ITGA1: variants seen among roughly 807,000 people sequenced by gnomAD.
ITGA1 encodes the protein integrin alpha-1.
ITGA1 carries 85 observed loss-of-function variants against 145.9 expected under a neutral mutation model. The ratio of observed to expected loss-of-function variants is 0.58; its 90% CI spans 0.49 to 0.70. The LOEUF (loss-of-function observed/expected upper bound fraction) is 0.70, where lower values mean the gene tolerates loss of function less well. Ranked by LOEUF, ITGA1 falls within the 30% of genes least tolerant of loss-of-function variation. ITGA1 has a pLI of 0.00. For synonymous variants in ITGA1, 520 were observed against 495.3 expected (o/e 1.05, Z -0.66); for missense variants, 1,351 against 1,418.7 (o/e 0.95, Z 0.77).
chr5:52,800,063 G>T, intron 1 of ITGA1: 1 of 320,138 alleles, frequency 3.1e-6, no homozygotes, highest in South Asian at 3.4e-5. Context: ...GACGTGCGTC[G>T]GGTCGCGGGA....
intron 7 of ITGA1, among the ~76,000 whole-genome samples, chr5:52,884,401 C>G (rs930990164): frequency 6.7e-6 from 1 of 150,004 alleles, no homozygotes; most frequent in Admixed American, 6.7e-5. Flanking sequence ...GAGCCAAGAT[C>G]GTGCCACTGC....
rs1750484714 is a variant in ITGA1 at position 52,910,342 on chromosome 5, C to T, written c.1780C>T (p.Pro594Ser). The change falls in exon 14 of 29, where the codon CCG becomes TCG. Residue 594 changes from proline (P) to serine (S), a missense_variant. Pro to Ser is a moderately conservative substitution (Grantham distance 74). Transcript: ENST00000282588. ...ATTTAATGACATCGTGATAGGAGCT[C>T]CGCTGGAAGATGATCACGGGGGAGC... ...DGFNDIVIGA[P>S]LEDDHGGAVY... The T allele has an allele frequency of 1.2e-6, 2 of 1,613,710 alleles. No individual in the cohort carries two copies. The highest frequency in any genetic ancestry group is 1.1e-5 in the South Asian group (1 of 91,078).
intron 6 of ITGA1, among the ~76,000 whole-genome samples, chr5:52,881,492 C>T (rs1438107969): frequency 6.6e-6 from 1 of 152,136 alleles, no homozygotes; most frequent in Non-Finnish European, 1.5e-5. Context: ...CCACAGTTTG[C>T]AATTGTTCAT....
rs781697289 is a variant in ITGA1 at position 52,957,693 on chromosome 5, G to T, written c.*5242G>T. 3.3e-5 allele frequency: 5 copies of T among 152,180 alleles called. No homozygotes were observed. Among genetic ancestry groups the T allele is most frequent in the Non-Finnish European group, 7.3e-5 (5 of 68,046 alleles). The allele number at this position is 152,180 out of a possible 1,614,324, so 9.4% of individuals were successfully genotyped here. On this transcript the variant is annotated 3_prime_UTR_variant, in exon 29 of 29. Coordinates refer to ENST00000282588, the MANE Select transcript of ITGA1 (RefSeq NM_181501.2). ...CCTCAGCAAGGCCATTCTCTGCCTT[G>T]TGCCCATAGCAGGGCCTTGGGTGGT...
In ITGA1 at chr5:52,955,021, G is replaced by A. The variant is rs990487937; in HGVS notation, c.*2570G>A. On this transcript the variant is annotated 3_prime_UTR_variant, in exon 29 of 29. Coordinates refer to ENST00000282588, the MANE Select transcript of ITGA1 (RefSeq NM_181501.2). ...AACTTATTGGCCAAATTGCCAAAAA[G>A]TTTCTTTTTCTCTAACTTTGGTATT... 1 of 152,112 alleles carries A rather than the reference G, an allele frequency of 6.6e-6. No individual in the cohort carries two copies. The highest frequency in any genetic ancestry group is 1.5e-5 in the Non-Finnish European group (1 of 68,020). 9.4% of individuals were successfully genotyped at this position (152,112 alleles called of 1,614,324 possible). A position where few individuals can be genotyped will look rare whatever the true frequency, so the allele number is the denominator to read the frequency against.
chr5:52,800,043 G>A (rs1170855461), intron 1 of ITGA1: 2 of 308,774 alleles, frequency 6.5e-6, no homozygotes, highest in Non-Finnish European at 1.2e-5. Flanking sequence ...CCTCTCCTTT[G>A]GGGACGGGAG....
chr5:52,828,861 C>A (rs547492263), intron 1 of ITGA1, among the ~76,000 whole-genome samples: 9 of 152,294 alleles, frequency 5.9e-5, no homozygotes, highest in African/African-American at 1.7e-4. Context: ...TGGTTCCTGG[C>A]AATCCTTAGC....
Position 52,893,678 on chromosome 5 carries a change from C to A in ITGA1, c.928C>A (p.Leu310Ile). Residue 310 changes from leucine (L) to isoleucine (I), a missense_variant, in exon 9 of 29, where the codon CTT becomes ATT. Physicochemically the swap from Leu to Ile is conservative, Grantham distance 5 (BLOSUM62 2). Transcript: ENST00000282588. ...TGCTGTTTCTGTTGTGTCTTAGATTCTTGGCAGCTATAACCGAGGAAATTT... is the reference window on the plus strand; with the variant it reads ...TGCTGTTTCTGTTGTGTCTTAGATTATTGGCAGCTATAACCGAGGAAATTT... The part of the protein sequence containing the change: ...ENIQRFSIAI[L>I]GSYNRGNLST... 1 of 1,609,800 alleles carries A rather than the reference C, an allele frequency of 6.2e-7. No individual in the cohort carries two copies. Among genetic ancestry groups the A allele is most frequent in the Non-Finnish European group, 8.5e-7 (1 of 1,177,904 alleles).
Position 52,847,678 on chromosome 5 carries a change from G to A in ITGA1, c.62-1687G>A, listed in dbSNP as rs139575631. Among the ~76,000 whole-genome samples, 968 of 152,186 alleles carry A rather than the reference G, an allele frequency of 6.4e-3. 12 individuals carry two copies. The highest frequency in any genetic ancestry group is 0.021 in the African/African-American group (893 of 41,540). On this transcript the variant is annotated intron_variant, in intron 1 of 28. Transcript: ENST00000282588. ...AGCGGTGCCCCTGCCTCAGCCTCCC[G>A]ATTAGCTGGGACTACAGGGGCATGC...
chr5:52,932,428 A>G (rs746033431), intron 22 of ITGA1: 8 of 237,900 alleles, frequency 3.4e-5, no homozygotes, highest in Non-Finnish European at 4.0e-5. Context: ...TCCCGAATGC[A>G]AGTTGAAGAC....
At chr5:52,864,694 A>T in intron 3 of ITGA1, 69 bp from the exon 4 acceptor site, 1 of 902,374 alleles carries the variant, frequency 1.1e-6, no homozygotes, top group African/African-American at 1.7e-5. Flanking sequence ...AGAATGTCTT[A>T]ATGAGAGATG....
intron 2 of ITGA1, among the ~76,000 whole-genome samples, chr5:52,859,161 A>C (rs6886404): frequency 0.28 from 41,904 of 152,018 alleles, 6,057 homozygotes; most frequent in South Asian, 0.38. Context: ...GGTGTCTTTC[A>C]TGTTAAATTA....
At chr5:52,899,102 T>C (rs1750276006) in intron 11 of ITGA1, among the ~76,000 whole-genome samples, 1 of 152,182 alleles carries the variant, frequency 6.6e-6, no homozygotes, top group African/African-American at 2.4e-5. Flanking sequence ...TTCCCAGCTC[T>C]TACTCACTCA....
At chr5:52,947,954 G>T (rs1367927873) in intron 28 of ITGA1, among the ~76,000 whole-genome samples, 3 of 152,004 alleles carry the variant, frequency 2.0e-5, no homozygotes, top group Non-Finnish European at 4.4e-5. Flanking sequence ...AAATATATAT[G>T]GCACATTTTA....
intron 6 of ITGA1, among the ~76,000 whole-genome samples, chr5:52,881,136 C>T (rs1168530510): frequency 6.6e-6 from 1 of 152,158 alleles, no homozygotes; most frequent in East Asian, 1.9e-4. Flanking sequence ...TTGGGAAGGG[C>T]TGATTTGGGA....
chr5:52,833,191 C>CAAA (rs111452221), intron 1 of ITGA1, among the ~76,000 whole-genome samples: 1,593 of 139,772 alleles, frequency 0.011, 15 homozygotes, highest in Non-Finnish European at 0.017. Context: ...GACTCTGTCT[C>CAAA]AAAAAAAAAA....
intron 14 of ITGA1, among the ~76,000 whole-genome samples, chr5:52,911,256 G>A (rs915425470): frequency 1.5e-5 from 2 of 134,348 alleles, no homozygotes; most frequent in Non-Finnish European, 3.1e-5. Context: ...TATATACAGT[G>A]TATATATAGT....
In ITGA1 at chr5:52,887,859, A is replaced by G. The variant is rs561781688; in HGVS notation, c.818A>G (p.Lys273Arg). 6.2e-7 allele frequency: 1 copy of G among 1,614,036 alleles called. No homozygotes were observed. Among genetic ancestry groups the G allele is most frequent in the South Asian group, 1.1e-5 (1 of 91,052 alleles). The change falls in exon 8 of 29, where the codon AAA (lysine) becomes AGA (arginine). Residue 273 changes from lysine to arginine, a missense_variant. Lys to Arg is a conservative substitution (Grantham distance 26, BLOSUM62 2). Transcript: ENST00000282588. ...TEARGARRGV[K>R]KVMVIVTDGE... ...GCCCGGGGTGCCCGAAGAGGAGTTA[A>G]AAAAGTCATGGTTATTGTGACAGAT...
chr5:52,828,879 G>A (rs368428158), intron 1 of ITGA1, among the ~76,000 whole-genome samples: 98 of 152,202 alleles, frequency 6.4e-4, no homozygotes, highest in African/African-American at 2.3e-3. Flanking sequence ...AGCATTGCAT[G>A]GCTTCTTGAC....
Sources: allele counts gnomAD v4.1 joint callset (sites outside exome capture counted in the v4.1 genomes callset), GRCh38; gene constraint gnomAD v4.1.1; transcripts MANE v1.5; gene names NCBI Gene and HGNC (gene_info 2026-07-23, HGNC 2026-07-21).